Variants in PPP1R12A observed in about 807,000 individuals in gnomAD.
PPP1R12A encodes the protein protein phosphatase 1 regulatory subunit 12A, also known as myosin binding subunit.
PPP1R12A carries 19 observed loss-of-function variants against 139.6 expected under a neutral mutation model. The ratio of observed to expected loss-of-function variants is 0.14; its 90% confidence interval spans 0.09 to 0.20. The LOEUF is 0.20. PPP1R12A is among the 10% of genes least tolerant of loss of function. The probability of loss-of-function intolerance (pLI) is 1.00; values close to 1 mark genes in which losing one functional copy is unlikely to be tolerated. For synonymous variants in PPP1R12A, 427 were observed against 420.6 expected (o/e 1.02, Z -0.19); for missense variants, 925 against 1,211.5 (o/e 0.76, Z 3.51).
intron 3 of PPP1R12A, among the ~76,000 whole-genome samples, chr12:79,839,235 T>C (rs1447067569): frequency 6.6e-6 from 1 of 152,242 alleles, no homozygotes; most frequent in African/African-American, 2.4e-5. Context: ...TTCTCCCATC[T>C]GGAACAGGTA....
chr12:79,862,879 G>A (rs1232094372), intron 2 of PPP1R12A, among the ~76,000 whole-genome samples: 2 of 152,206 alleles, frequency 1.3e-5, no homozygotes, highest in Non-Finnish European at 2.9e-5. Flanking sequence ...ATGGAACCAA[G>A]TTGGAAAACA....
At position 79,778,762 on chromosome 12, in the gene PPP1R12A, CA is replaced by C. The variant is rs1870052187; in HGVS notation, c.2956-163del. The C allele has an allele frequency of 9.4e-6, 4 of 426,306 alleles. No individual in the cohort carries two copies. In the East Asian group the frequency reaches 1.3e-4, roughly 14 times the overall value. 26.4% of individuals were successfully genotyped at this position (426,306 alleles called of 1,614,324 possible). A position where few individuals can be genotyped will look rare whatever the true frequency, so the allele number is the denominator to read the frequency against. ...ATGTAAAGAGCTTTCCAAAATTTGA[CA>C]AAAATAAATATGAAGATCTTTATCC... is the stretch of plus-strand genomic sequence containing the variant. On this transcript the variant is annotated intron_variant, in intron 23 of 24. Coordinates refer to ENST00000450142, the MANE Select transcript of PPP1R12A (RefSeq NM_002480.3).
intron 1 of PPP1R12A, among the ~76,000 whole-genome samples, chr12:79,922,359 A>G (rs1273954876): frequency 6.6e-6 from 1 of 152,244 alleles, no homozygotes; most frequent in African/African-American, 2.4e-5. Context: ...ATGTGTCAAC[A>G]TGAGTACTTT....
At chr12:79,786,615 C>T (rs1871166448) in intron 21 of PPP1R12A, 137 bp from the exon 22 acceptor site, 1 of 546,428 alleles carries the variant, frequency 1.8e-6, no homozygotes, top group Non-Finnish European at 3.1e-6. Flanking sequence ...AAAAATCCTT[C>T]ATGGTTGCAA....
chr12:79,910,134 A>T (rs1217242071), intron 1 of PPP1R12A, among the ~76,000 whole-genome samples: 1 of 152,194 alleles, frequency 6.6e-6, no homozygotes, highest in African/African-American at 2.4e-5. Context: ...GAATTAGTCT[A>T]AAAGACCTAA....
At chr12:79,782,785 C>CA (rs1417571271) in intron 22 of PPP1R12A, among the ~76,000 whole-genome samples, 1 of 152,076 alleles carries the variant, frequency 6.6e-6, no homozygotes, top group African/African-American at 2.4e-5. Flanking sequence ...ACTAATTTAC[C>CA]AAAAATGGTT....
intron 1 of PPP1R12A, among the ~76,000 whole-genome samples, chr12:79,896,794 C>T (rs571167684): frequency 2.6e-5 from 4 of 152,252 alleles, no homozygotes; most frequent in Middle Eastern, 3.4e-3. Context: ...CTATTTGGCA[C>T]CAACTCACAG....
At chr12:79,861,546 CCCTTTCCT>C (rs1881314982) in intron 2 of PPP1R12A, among the ~76,000 whole-genome samples, 2 of 152,172 alleles carry the variant, frequency 1.3e-5, no homozygotes, top group Admixed American at 1.3e-4. Flanking sequence ...CATGGGATTT[CCCTTTCCT>C]AGCCAAGGGA....
At chr12:79,935,263 C>T, upstream of PPP1R12A, 1 of 1,110,220 alleles carries the variant, frequency 9.0e-7, no homozygotes, top group South Asian at 3.6e-5. Context: ...GTGCCCGCCC[C>T]AGGAAGAGCG....
At chr12:79,820,750 A>C (rs376532296) in intron 8 of PPP1R12A, 24 bp downstream of exon 8, 1 of 1,601,326 alleles carries the variant, frequency 6.2e-7, no homozygotes, top group African/African-American at 1.3e-5. Flanking sequence ...ATTCAACGAA[A>C]ATGCATTTAT....
chr12:79,798,180 T>C (rs1334305404), intron 15 of PPP1R12A, among the ~76,000 whole-genome samples: 1 of 152,070 alleles, frequency 6.6e-6, no homozygotes, highest in Non-Finnish European at 1.5e-5. Context: ...AGACACTGTA[T>C]TAGGAATAAG....
chr12:79,825,001 T>C (rs1876591580), intron 5 of PPP1R12A: 1 of 152,146 alleles, frequency 6.6e-6, no homozygotes, highest in Non-Finnish European at 1.5e-5. Context: ...TACAACCTCT[T>C]CATCTTCACA....
intron 1 of PPP1R12A, among the ~76,000 whole-genome samples, chr12:79,904,130 G>A (rs1243714600): frequency 2.0e-5 from 3 of 151,888 alleles, no homozygotes; most frequent in African/African-American, 4.8e-5. Flanking sequence ...CAGGAGAATC[G>A]CTTGAACCCG....
At chr12:79,909,190 C>G (rs1886359869) in intron 1 of PPP1R12A, among the ~76,000 whole-genome samples, 1 of 152,176 alleles carries the variant, frequency 6.6e-6, no homozygotes, top group South Asian at 2.1e-4. Flanking sequence ...ACATCTGTAC[C>G]TCATTTTCTT....
At chr12:79,800,980 A>G (rs1276561232) in intron 14 of PPP1R12A, among the ~76,000 whole-genome samples, 4 of 151,084 alleles carry the variant, frequency 2.6e-5, no homozygotes. Context: ...TGATCCGCCC[A>G]CCTCAGCCTC....
intron 2 of PPP1R12A, among the ~76,000 whole-genome samples, chr12:79,851,139 A>T (rs935275513): frequency 6.6e-5 from 10 of 152,234 alleles, no homozygotes; most frequent in Non-Finnish European, 1.2e-4. Flanking sequence ...GCTTCTTGAA[A>T]ATCTGAAAAA....
intron 1 of PPP1R12A, among the ~76,000 whole-genome samples, chr12:79,925,949 G>A (rs1887810219): frequency 6.6e-6 from 1 of 151,926 alleles, no homozygotes; most frequent in South Asian, 2.1e-4. Flanking sequence ...TTTATTGGTA[G>A]AGACACCGTC....
At chr12:79,815,718 T>C (rs1323260465) in intron 9 of PPP1R12A, among the ~76,000 whole-genome samples, 2 of 152,162 alleles carry the variant, frequency 1.3e-5, no homozygotes, top group African/African-American at 4.8e-5. Context: ...TATAGGATGA[T>C]TAACAGTCTT....
At chr12:79,798,839 T>C (rs895196049) in intron 14 of PPP1R12A, among the ~76,000 whole-genome samples, 10 of 152,174 alleles carry the variant, frequency 6.6e-5, no homozygotes, top group Non-Finnish European at 1.0e-4. Context: ...AATAATGTAA[T>C]TTAATTTTAA....
Sources: gnomAD v4.1 joint callset for allele counts (sites outside exome capture counted in the v4.1 genomes callset) on GRCh38, gnomAD v4.1.1 for gene constraint, MANE v1.5 for transcripts, NCBI Gene and HGNC (gene_info 2026-07-23, HGNC 2026-07-21) for gene names.